The following KIAA1671 variants were observed in gnomAD, a reference collection of about 807,000 sequenced individuals.
KIAA1671 encodes uncharacterized protein KIAA1671.
A neutral mutation model predicts 131.2 loss-of-function variants in KIAA1671; 52 were observed. The ratio of observed to expected loss-of-function variants is 0.40; its 90% CI spans 0.32 to 0.50. The LOEUF is 0.50. KIAA1671 is among the 20% of genes least tolerant of loss of function. KIAA1671 has a pLI of 0.73. For synonymous variants in KIAA1671, 1,003 were observed against 961.6 expected (o/e 1.04, Z -0.80); for missense variants, 2,360 against 2,364.2 (o/e 1.00, Z 0.04).
intron 1 of KIAA1671, among the ~76,000 whole-genome samples, chr22:24,992,111 G>T (rs1172100757): frequency 6.6e-6 from 1 of 152,204 alleles, no homozygotes; most frequent in Non-Finnish European, 1.5e-5. Flanking sequence ...GGCTGCGCCT[G>T]AAGCTAATGT....
At chr22:25,080,101 T>C (rs1375945929) in intron 6 of KIAA1671, among the ~76,000 whole-genome samples, 1 of 152,106 alleles carries the variant, frequency 6.6e-6, no homozygotes, top group East Asian at 1.9e-4. Context: ...GGAGCTGTCA[T>C]CAGCTTTCAT....
chr22:25,173,441 A>T (rs946341069), intron 7 of KIAA1671, among the ~76,000 whole-genome samples: 3 of 152,204 alleles, frequency 2.0e-5, no homozygotes, highest in African/African-American at 7.2e-5. Context: ...TGAATAAGTG[A>T]ATGAAATAAT....
intron 1 of KIAA1671, chr22:25,014,067 A>C (rs1602067340): frequency 6.6e-6 from 1 of 152,236 alleles, no homozygotes; most frequent in Non-Finnish European, 1.5e-5. Flanking sequence ...CTTCTAGGCA[A>C]AATTTCACTT....
At chr22:25,130,546 T>G (rs1932397321) in intron 6 of KIAA1671, among the ~76,000 whole-genome samples, 1 of 152,208 alleles carries the variant, frequency 6.6e-6, no homozygotes, top group Non-Finnish European at 1.5e-5. Context: ...GAAAACTTAA[T>G]TAAACACTTT....
At chr22:25,114,640 G>A (rs1931562727) in intron 6 of KIAA1671, among the ~76,000 whole-genome samples, 1 of 152,206 alleles carries the variant, frequency 6.6e-6, no homozygotes, top group Non-Finnish European at 1.5e-5. Context: ...GCTGGTAAAT[G>A]TGTGGTGAGC....
chr22:25,123,987 C>T (rs186476152), intron 6 of KIAA1671, among the ~76,000 whole-genome samples: 32 of 152,252 alleles, frequency 2.1e-4, no homozygotes, highest in Admixed American at 9.8e-4. Flanking sequence ...GGTGGGAAGA[C>T]CTGCCCATGG....
intron 6 of KIAA1671, chr22:25,058,383 C>T (rs938071657): frequency 6.6e-6 from 1 of 152,024 alleles, no homozygotes; most frequent in African/African-American, 2.4e-5. Flanking sequence ...TAGTTTATTC[C>T]GATTTTCTCA....
intron 6 of KIAA1671, among the ~76,000 whole-genome samples, chr22:25,066,337 C>G (rs1928475170): frequency 6.6e-6 from 1 of 152,078 alleles, no homozygotes; most frequent in African/African-American, 2.4e-5. Flanking sequence ...TTTATAGACA[C>G]AGGGTCTTAT....
chr22:24,970,555 A>AT (rs1208361160), intron 1 of KIAA1671, among the ~76,000 whole-genome samples: 1 of 152,070 alleles, frequency 6.6e-6, no homozygotes, highest in African/African-American at 2.4e-5. Flanking sequence ...TGCCTTTATC[A>AT]TGTAAAGGCT....
chr22:24,966,137 G>C (rs565877945), intron 1 of KIAA1671, among the ~76,000 whole-genome samples: 1 of 152,320 alleles, frequency 6.6e-6, no homozygotes, highest in Admixed American at 6.5e-5. Flanking sequence ...CTGCCTGTTG[G>C]AGAAACAGCT....
At chr22:25,089,949 G>A (rs1929940676) in intron 6 of KIAA1671, among the ~76,000 whole-genome samples, 1 of 152,210 alleles carries the variant, frequency 6.6e-6, no homozygotes, top group African/African-American at 2.4e-5. Context: ...GCTATGCTCA[G>A]GCATAAAGAA....
intron 6 of KIAA1671, among the ~76,000 whole-genome samples, chr22:25,152,374 G>T (rs1933073429): frequency 6.6e-6 from 1 of 152,178 alleles, no homozygotes; most frequent in South Asian, 2.1e-4. Context: ...ACATGTGTGT[G>T]TGAGGTGATT....
At chr22:24,955,212 A>G (rs1483920327) in intron 1 of KIAA1671, among the ~76,000 whole-genome samples, 1 of 152,204 alleles carries the variant, frequency 6.6e-6, no homozygotes, top group Non-Finnish European at 1.5e-5. Flanking sequence ...GATATTTTAT[A>G]TGTGCATTCA....
intron 6 of KIAA1671, among the ~76,000 whole-genome samples, chr22:25,086,072 C>G (rs1332801374): frequency 6.6e-6 from 1 of 152,200 alleles, no homozygotes; most frequent in African/African-American, 2.4e-5. Flanking sequence ...TCAGTAGTGG[C>G]TGTGTCTTGT....
chr22:24,966,408 G>A (rs1401599077), intron 1 of KIAA1671, among the ~76,000 whole-genome samples: 1 of 152,200 alleles, frequency 6.6e-6, no homozygotes, highest in Non-Finnish European at 1.5e-5. Flanking sequence ...TTGAAGCCTG[G>A]GTTTTGGCAG....
Position 25,019,774 on chromosome 22 carries a change from A to G in KIAA1671, c.-207-5859A>G, listed in dbSNP as rs368941319. Among the ~76,000 whole-genome samples the G allele has an allele frequency of 2.2e-3, 331 of 152,004 alleles. 3 individuals are homozygous for G. Among genetic ancestry groups the G allele is most frequent in the African/African-American group, 7.6e-3 (316 of 41,458 alleles). On this transcript the variant is annotated intron_variant, in intron 1 of 12. Transcript: ENST00000358431. ...ATACCCCCTTACCTTTGGCTGAGATATGTTCTTTAAGAGTTTCCCTATTAT... is the reference window on the plus strand; with the variant it reads ...ATACCCCCTTACCTTTGGCTGAGATGTGTTCTTTAAGAGTTTCCCTATTAT...
At chr22:25,154,175 C>G (rs145524037) in intron 6 of KIAA1671, among the ~76,000 whole-genome samples, 1 of 152,314 alleles carries the variant, frequency 6.6e-6, no homozygotes, top group African/African-American at 2.4e-5. Flanking sequence ...GGCTTTGATC[C>G]AGGCACTGTG....
chr22:25,166,674 C>T (rs1325123115), intron 6 of KIAA1671, among the ~76,000 whole-genome samples: 1 of 152,168 alleles, frequency 6.6e-6, no homozygotes, highest in Non-Finnish European at 1.5e-5. Flanking sequence ...ATTTATGTGC[C>T]AGGCAGTGAG....
intron 6 of KIAA1671, among the ~76,000 whole-genome samples, chr22:25,075,240 G>T (rs895065172): frequency 6.6e-6 from 1 of 152,098 alleles, no homozygotes; most frequent in Non-Finnish European, 1.5e-5. Context: ...AGACACCAAG[G>T]ATGCTGCTTT....
Sources: allele counts gnomAD v4.1 joint callset (sites outside exome capture counted in the v4.1 genomes callset), GRCh38; gene constraint gnomAD v4.1.1; transcripts MANE v1.5; gene names NCBI Gene and HGNC (gene_info 2026-07-23, HGNC 2026-07-21).